ST3GAL2: variants seen among roughly 807,000 people sequenced by gnomAD.
The protein encoded by ST3GAL2 is CMP-N-acetylneuraminate-beta-galactosamide-alpha-2,3-sialyltransferase 2.
Under a neutral mutation model 37.5 loss-of-function variants are expected in ST3GAL2, and 16 were observed. The observed-to-expected ratio is 0.43, with a 90% CI of 0.29 to 0.65. The LOEUF is 0.65. Ranked by LOEUF, ST3GAL2 falls within the 30% of genes least tolerant of loss-of-function variation. The pLI is 0.17. For synonymous variants in ST3GAL2, 238 were observed against 202.9 expected, an observed-to-expected ratio of 1.17 and a Z score of -1.47; for missense variants, 383 against 487.8, an observed-to-expected ratio of 0.79 and a Z score of 2.02.
intron 2 of ST3GAL2, 37 bp from the exon 3 acceptor site, chr16:70,395,212 G>C (rs775599518): frequency 6.4e-7 from 1 of 1,571,962 alleles, no homozygotes; most frequent in East Asian, 2.3e-5. Flanking sequence ...ACGAGGAAGG[G>C]GAGAGGTGTG....
At chr16:70,405,787 G>A (rs557805132) in intron 1 of ST3GAL2, among the ~76,000 whole-genome samples, 6 of 151,902 alleles carry the variant, frequency 3.9e-5, no homozygotes, top group South Asian at 2.1e-4. Flanking sequence ...ACAGCCAGGC[G>A]CGGTGGCTCA....
rs1026630927 is a variant in ST3GAL2, at chr16:70,381,918, G to C, written c.880-56C>G. On this transcript the variant is annotated intron_variant, in intron 6 of 6. Coordinates refer to ENST00000342907, the MANE Select transcript of ST3GAL2 (RefSeq NM_006927.4). ...AGGCGGGGACCTGGAGGATGGCGCG[G>C]GGCGGGCTCGGGATGACAGGGAGGA... The C allele has an allele frequency of 1.1e-5, 17 of 1,599,300 alleles. 1 individual carries two copies. The highest frequency in any genetic ancestry group is 1.0e-4 in the South Asian group (9 of 90,200).
intron 1 of ST3GAL2, among the ~76,000 whole-genome samples, chr16:70,413,338 C>G (rs555065187): frequency 1.2e-3 from 175 of 151,920 alleles, no homozygotes; most frequent in Non-Finnish European, 2.0e-3. Flanking sequence ...ATCATTTGAA[C>G]CAGGGAAGTC....
intron 1 of ST3GAL2, among the ~76,000 whole-genome samples, chr16:70,438,241 T>C (rs2047839856): frequency 6.6e-6 from 1 of 152,042 alleles, no homozygotes; most frequent in South Asian, 2.1e-4. Flanking sequence ...CCCAGAGCTG[T>C]AGCAGGGGGT....
At chr16:70,406,723 G>T (rs986963950) in intron 1 of ST3GAL2, among the ~76,000 whole-genome samples, 2 of 151,500 alleles carry the variant, frequency 1.3e-5, no homozygotes, top group Non-Finnish European at 2.9e-5. Flanking sequence ...GGAGGTTGCG[G>T]TGAGCCAAGA....
intron 1 of ST3GAL2, among the ~76,000 whole-genome samples, chr16:70,404,862 T>C (rs1379216975): frequency 2.6e-5 from 4 of 151,910 alleles, no homozygotes; most frequent in Admixed American, 6.6e-5. Context: ...TGAAACCCCA[T>C]CTCTGTTAAA....
intron 3 of ST3GAL2, among the ~76,000 whole-genome samples, chr16:70,391,855 C>G (rs967727354): frequency 6.6e-6 from 1 of 152,208 alleles, no homozygotes; most frequent in Non-Finnish European, 1.5e-5. Flanking sequence ...TCAGTTCTCT[C>G]GCCTCAGCCT....
chr16:70,435,986 C>T (rs1195287240), intron 1 of ST3GAL2, among the ~76,000 whole-genome samples: 7 of 149,888 alleles, frequency 4.7e-5, no homozygotes, highest in Non-Finnish European at 1.0e-4. Flanking sequence ...ATCAGCCGGG[C>T]ATGGTGGCAG....
intron 1 of ST3GAL2, among the ~76,000 whole-genome samples, chr16:70,429,588 C>CAAAAAAAAAAAAAAAAA (rs1173306093): frequency 6.7e-4 from 24 of 36,064 alleles, no homozygotes; most frequent in African/African-American, 2.3e-3. Context: ...GACTCTGTCT[C>CAAAAAAAAAAAAAAAAA]AAAAAAAAAA....
At chr16:70,426,225 ACT>A (rs1491555566) in intron 1 of ST3GAL2, among the ~76,000 whole-genome samples, 1 of 117,812 alleles carries the variant, frequency 8.5e-6, no homozygotes, top group Non-Finnish European at 1.6e-5. Flanking sequence ...ACTGAATCTC[ACT>A]CTGTCGCCCA....
chr16:70,398,767 C>T lies in ST3GAL2; in HGVS notation c.-237G>A. 1.7e-6 allele frequency: 1 copy of T among 588,372 alleles called. No homozygotes were observed. The highest frequency in any genetic ancestry group is 3.0e-6 in the Non-Finnish European group (1 of 330,794). The allele number at this position is 588,372 out of a possible 1,614,324, so 36.4% of individuals were successfully genotyped here. On this transcript the variant is annotated 5_prime_UTR_variant, in exon 2 of 7. It removes an upstream start codon present in the reference 5' UTR. Transcript: ENST00000342907. ...CAGGCGGGGCCCCTGCTTAGGGCTT[C>T]ATCGGGTCTCTCCGTCACTAGCTAG...
intron 1 of ST3GAL2, among the ~76,000 whole-genome samples, chr16:70,436,505 A>G (rs1471683952): frequency 6.6e-6 from 1 of 151,676 alleles, no homozygotes; most frequent in Non-Finnish European, 1.5e-5. Context: ...TTAATCTCTC[A>G]AGAAATTGTG....
At chr16:70,388,697 T>C in intron 3 of ST3GAL2, 151 bp from the exon 4 acceptor site, 1 of 849,862 alleles carries the variant, frequency 1.2e-6, no homozygotes. Context: ...CCTATAAAAA[T>C]GGTTACAAAG....
At chr16:70,426,453 GC>G (rs2047752106) in intron 1 of ST3GAL2, among the ~76,000 whole-genome samples, 2 of 151,518 alleles carry the variant, frequency 1.3e-5, no homozygotes, top group African/African-American at 4.9e-5. Flanking sequence ...GCCTGCCTCG[GC>G]CTCCCAAAGT....
intron 3 of ST3GAL2, among the ~76,000 whole-genome samples, chr16:70,390,832 G>C (rs1278628504): frequency 6.6e-6 from 1 of 152,186 alleles, no homozygotes; most frequent in Non-Finnish European, 1.5e-5. Context: ...CGTAACAGGT[G>C]AACCAGGTTT....
intron 1 of ST3GAL2, among the ~76,000 whole-genome samples, chr16:70,433,237 C>T (rs982833901): frequency 6.6e-6 from 1 of 152,170 alleles, no homozygotes; most frequent in African/African-American, 2.4e-5. Flanking sequence ...ACTTCTACTG[C>T]CAAGTGCCGG....
At chr16:70,429,117 T>C (rs1446890389) in intron 1 of ST3GAL2, among the ~76,000 whole-genome samples, 1 of 152,126 alleles carries the variant, frequency 6.6e-6, no homozygotes, top group Non-Finnish European at 1.5e-5. Flanking sequence ...GGAGCCTGAG[T>C]TGTCCAGGGA....
At chr16:70,382,279 GT>G (rs943778715) in intron 6 of ST3GAL2, among the ~76,000 whole-genome samples, 1 of 150,638 alleles carries the variant, frequency 6.6e-6, no homozygotes, top group African/African-American at 2.4e-5. Context: ...TTCTATTTAT[GT>G]TTTTTTTTCT....
chr16:70,429,780 T>C (rs1015607042), intron 1 of ST3GAL2, among the ~76,000 whole-genome samples: 4 of 151,548 alleles, frequency 2.6e-5, no homozygotes, highest in Admixed American at 6.6e-5. Flanking sequence ...TAGCTGGGAT[T>C]ACAGGCGCCC....
Sources: allele counts gnomAD v4.1 joint callset (sites outside exome capture counted in the v4.1 genomes callset), GRCh38; gene constraint gnomAD v4.1.1; transcripts MANE v1.5; gene names NCBI Gene and HGNC (gene_info 2026-07-23, HGNC 2026-07-21).